CFAP46: variants seen among roughly 807,000 people sequenced by gnomAD.
The protein encoded by CFAP46 is cilia and flagella associated protein 46, also known as cilia- and flagella-associated protein 46.
CFAP46 carries 245 observed loss-of-function variants against 325.7 expected under a neutral mutation model. The ratio of observed to expected loss-of-function variants is 0.75; its 90% confidence interval spans 0.68 to 0.84. The LOEUF is 0.84. Ranked by LOEUF, CFAP46 falls within the 40% of genes least tolerant of loss-of-function variation. The pLI, the probability that CFAP46 is intolerant of heterozygous loss-of-function variation, is 0.00. For synonymous variants in CFAP46, 1,523 were observed against 1,495.9 expected (o/e 1.02, Z -0.42); for missense variants, 3,346 against 3,543.0 (o/e 0.94, Z 1.41).
At chr10:132,931,399 T>C (rs1463085272) in intron 8 of CFAP46, among the ~76,000 whole-genome samples, 3 of 112,542 alleles carry the variant, frequency 2.7e-5, no homozygotes, top group Non-Finnish European at 3.5e-5. Context: ...GCCTTCCTCC[T>C]CCCCAAAAAG....
Position 132,822,893 on chromosome 10 carries a change from T to TGTGCTGATGTGTGCTGTGTGA in CFAP46, c.7118-8000_7118-7980dup, listed in dbSNP as rs976736224. Reference sequence around the variant, plus strand: ...GATGTGTGCTGTGTGTGCGCTGATGTGTGCTGATGTGTGCTGTGTGAGTGC... The same window carrying TGTGCTGATGTGTGCTGTGTGA: ...GATGTGTGCTGTGTGTGCGCTGATGTGTGCTGATGTGTGCTGTGTGAGTGCTGATGTGTGCTGTGTGAGTGC... On this transcript the variant is annotated intron_variant, in intron 50 of 57. Coordinates refer to ENST00000368586, the MANE Select transcript of CFAP46 (RefSeq NM_001200049.3). Among the ~76,000 whole-genome samples the TGTGCTGATGTGTGCTGTGTGA allele has an allele frequency of 1.7e-4, 25 of 144,040 alleles. No individual in the cohort carries two copies. The South Asian group carries it at 3.1e-3, about 18-fold the overall frequency. The allele number at this position is 144,040 out of a possible 152,430, so 94.5% of individuals were successfully genotyped here.
intron 50 of CFAP46, among the ~76,000 whole-genome samples, chr10:132,815,700 C>T (rs1225409852): frequency 2.0e-5 from 3 of 152,132 alleles, no homozygotes; most frequent in Non-Finnish European, 2.9e-5. Context: ...GAGGGAGGAT[C>T]GCTTGAGCCC....
chr10:132,836,345 C>T, intron 45 of CFAP46, 127 bp from the exon 46 acceptor site: 2 of 828,712 alleles, frequency 2.4e-6, no homozygotes, highest in Non-Finnish European at 3.9e-6. Context: ...CCCAGCAGGG[C>T]CCTCCCCGTG....
chr10:132,889,358 C>T lies in CFAP46; in HGVS notation c.3304+2975G>A, dbSNP rs1432695289. 6.6e-6 allele frequency among the ~76,000 whole-genome samples: 1 copy of T among 152,222 alleles called. No individual in the cohort carries two copies. Among genetic ancestry groups the T allele is most frequent in the East Asian group, 1.9e-4 (1 of 5,194 alleles). Reference sequence around the variant, plus strand: ...TGCCCATGGCTGGAAGGAAGGCACCCATGGCTAGGAGGGCGGCACCCCATT... The same window carrying T: ...TGCCCATGGCTGGAAGGAAGGCACCTATGGCTAGGAGGGCGGCACCCCATT... On this transcript the variant is annotated intron_variant, in intron 25 of 57. Coordinates refer to ENST00000368586, the MANE Select transcript of CFAP46 (RefSeq NM_001200049.3). This position sits in a 1 kb window ranked among gnomAD's most constrained non-coding sequence, Gnocchi z 6.0.
intron 6 of CFAP46, chr10:132,937,318 C>T (rs1393003586): frequency 9.0e-6 from 5 of 554,202 alleles, no homozygotes; most frequent in Admixed American, 3.7e-5. Flanking sequence ...ATTTAAAGAG[C>T]GACGATAAAG....
At chr10:132,837,196 T>C in intron 44 of CFAP46, 1 of 444,236 alleles carries the variant, frequency 2.3e-6, no homozygotes, top group South Asian at 2.8e-5. Flanking sequence ...GCAAAGTGCA[T>C]GTTCACCAAA....
intron 35 of CFAP46, among the ~76,000 whole-genome samples, chr10:132,863,310 G>A (rs561109903): frequency 6.6e-6 from 1 of 152,126 alleles, no homozygotes; most frequent in African/African-American, 2.4e-5. Flanking sequence ...CTTGCCCCGG[G>A]AGCTCCCAGG....
chr10:132,937,559 G>A lies in CFAP46; in HGVS notation c.653C>T (p.Ser218Phe), dbSNP rs774535803. The A allele has an allele frequency of 5.6e-6, 9 of 1,613,326 alleles. No homozygotes were observed. Among genetic ancestry groups the A allele is most frequent in the Non-Finnish European group, 7.6e-6 (9 of 1,179,966 alleles). The stretch of plus-strand genomic sequence containing the variant: ...TCTAATACGCTGATTTACCATAACA[G>A]AGAATATCTGCCGGTATTTCTGTGG... The part of the protein sequence containing the change: ...HVPQKYRQIF[S>F]VMVRHELMDE... Residue 218 changes from serine to phenylalanine, a missense_variant, in exon 6 of 58, where the codon TCT (serine) becomes TTT (phenylalanine). By Grantham distance (155) the Ser-to-Phe change is radical. Coordinates refer to ENST00000368586, the MANE Select transcript of CFAP46 (RefSeq NM_001200049.3).
chr10:132,936,393 A>C (rs1478429664), intron 7 of CFAP46, among the ~76,000 whole-genome samples: 2 of 49,422 alleles, frequency 4.0e-5, no homozygotes. Flanking sequence ...TGATCTCCTC[A>C]CTCCCCTCAC....
intron 56 of CFAP46, 196 bp from the exon 57 acceptor site, chr10:132,810,685 C>T (rs759198502): frequency 4.4e-5 from 32 of 732,538 alleles, no homozygotes; most frequent in Middle Eastern, 5.8e-4. Context: ...GCAGGATGGC[C>T]GCCTCAACGG....
In CFAP46 at chr10:132,814,897, C is replaced by G. The variant is rs1847663697; in HGVS notation, c.7135G>C (p.Glu2379Gln). The G allele has an allele frequency of 3.7e-6, 6 of 1,614,054 alleles. No individual in the cohort carries two copies. Among genetic ancestry groups the G allele is most frequent in the South Asian group, 1.1e-5 (1 of 91,084 alleles). The change falls in exon 51 of 58, where the codon GAG (glutamate) becomes CAG (glutamine). Residue 2379 changes from glutamate to glutamine, a missense_variant. Coordinates refer to ENST00000368586, the MANE Select transcript of CFAP46 (RefSeq NM_001200049.3). ...KEETEGGVKKEGRSRDPKKRS... is the reference protein window; with the variant it reads ...KEETEGGVKKQGRSRDPKKRS... ...TTTTTGGGGTCTCTGCTTCTTCCCT[C>G]CTTTTTCACGCCACCTTCTGTTGAA...
intron 37 of CFAP46, 78 bp from the exon 38 acceptor site, chr10:132,859,325 T>C: frequency 1.5e-6 from 2 of 1,306,594 alleles, no homozygotes; most frequent in South Asian, 2.9e-5. Flanking sequence ...CTGCCGCTGT[T>C]CTCCCCGGTG....
intron 22 of CFAP46, among the ~76,000 whole-genome samples, chr10:132,900,286 C>T (rs1437597376): frequency 6.6e-6 from 1 of 152,212 alleles, no homozygotes; most frequent in African/African-American, 2.4e-5. Flanking sequence ...CAGAGCTTGG[C>T]CAGGTGCACA....
In CFAP46 at chr10:132,808,501, C is replaced by T. The variant is rs1458839069; in HGVS notation, c.8068G>A (p.Gly2690Ser). The T allele has an allele frequency of 1.9e-6, 3 of 1,613,256 alleles. No individual in the cohort carries two copies. The highest frequency in any genetic ancestry group is 3.3e-5 in the Admixed American group (2 of 60,028). ...ACCAGCGCCGCCAAGGGGAGGCCGCCCTTGTCCTGGCCCCGGGAAGAGACG... is the reference window on the plus strand; with the variant it reads ...ACCAGCGCCGCCAAGGGGAGGCCGCTCTTGTCCTGGCCCCGGGAAGAGACG... ...SCVSSRGQDK[G>S]GLPLAALVLS... The change falls in exon 58 of 58, where the codon GGC (glycine) becomes AGC (serine). Residue 2690 changes from glycine (G) to serine (S), a missense_variant. By Grantham distance (56) the Gly-to-Ser change is moderately conservative. Coordinates refer to ENST00000368586, the MANE Select transcript of CFAP46 (RefSeq NM_001200049.3). The surrounding 1 kb of genome is among the most constrained non-coding windows in gnomAD (Gnocchi z 6.8).
chr10:132,918,637 C>T (rs189349218), intron 15 of CFAP46, 117 bp from the exon 16 acceptor site: 147 of 1,322,848 alleles, frequency 1.1e-4, no homozygotes, highest in Middle Eastern at 6.2e-4. Flanking sequence ...GTGTAGGGTC[C>T]GCCAAGGTGG....
At chr10:132,942,202 C>A (rs1340578866) in intron 1 of CFAP46, 98 bp from the exon 2 acceptor site, 1 of 1,465,778 alleles carries the variant, frequency 6.8e-7, no homozygotes, top group Non-Finnish European at 9.1e-7. Flanking sequence ...CGCCTTGGGC[C>A]CCCGGGCCAC....
rs995738806 is a variant in CFAP46, at chr10:132,922,668, C to G, written c.1297G>C (p.Ala433Pro). ...LLRCQVHMEM[A>P]QIEEDEDRLE... Reference sequence around the variant, plus strand: ...CGGTCCTCGTCCTCCTCGATCTGCGCCATCTCCATGTGCACTTGACAGCGG... The same window carrying G: ...CGGTCCTCGTCCTCCTCGATCTGCGGCATCTCCATGTGCACTTGACAGCGG... The change falls in exon 12 of 58, where the codon GCG (alanine) becomes CCG (proline). Residue 433 changes from alanine to proline, a missense_variant. Coordinates refer to ENST00000368586, the MANE Select transcript of CFAP46 (RefSeq NM_001200049.3). 1.3e-6 allele frequency: 2 copies of G among 1,549,864 alleles called. No individual in the cohort carries two copies. Among genetic ancestry groups the G allele is most frequent in the African/African-American group, 2.7e-5 (2 of 73,064 alleles).
chr10:132,918,536 G>A lies in CFAP46; in HGVS notation c.1859-16C>T. 6.6e-7 allele frequency: 1 copy of A among 1,512,762 alleles called. No individual in the cohort carries two copies. Among genetic ancestry groups the A allele is most frequent in the Non-Finnish European group, 8.9e-7 (1 of 1,122,110 alleles). The allele number at this position is 1,512,762 out of a possible 1,614,324, so 93.7% of individuals were successfully genotyped here. A position where few individuals can be genotyped will look rare whatever the true frequency, so the allele number is the denominator to read the frequency against. ...TTCTTCTTCCCTGAGAGAAATGGCA[G>A]CAGGTAAGGATCATGTTTTTTTCTA... On this transcript the variant is annotated splice_polypyrimidine_tract_variant and intron_variant, in intron 15 of 57. Coordinates refer to ENST00000368586, the MANE Select transcript of CFAP46 (RefSeq NM_001200049.3).
rs758480839 is a variant in CFAP46, at chr10:132,808,512, C to A, written c.8057G>T (p.Gly2686Val). The A allele has an allele frequency of 6.2e-7, 1 of 1,613,146 alleles. No individual in the cohort carries two copies. Among genetic ancestry groups the A allele is most frequent in the South Asian group, 1.1e-5 (1 of 91,074 alleles). Reference sequence around the variant, plus strand: ...CAAGGGGAGGCCGCCCTTGTCCTGGCCCCGGGAAGAGACGCAGCTCCAGCC... The same window carrying A: ...CAAGGGGAGGCCGCCCTTGTCCTGGACCCGGGAAGAGACGCAGCTCCAGCC... ...RRGWSCVSSRGQDKGGLPLAA... is the reference protein window; with the variant it reads ...RRGWSCVSSRVQDKGGLPLAA... The change falls in exon 58 of 58, where the codon GGC becomes GTC. Residue 2686 changes from glycine to valine, a missense_variant. Coordinates refer to ENST00000368586, the MANE Select transcript of CFAP46 (RefSeq NM_001200049.3). The surrounding 1 kb of genome is among the most constrained non-coding windows in gnomAD (Gnocchi z 6.8).
Sources: allele counts gnomAD v4.1 joint callset (sites outside exome capture counted in the v4.1 genomes callset), GRCh38; gene constraint gnomAD v4.1.1; non-coding constraint Gnocchi (gnomAD v3.1); transcripts MANE v1.5; gene names NCBI Gene and HGNC (gene_info 2026-07-23, HGNC 2026-07-21).